MROH9: variants seen among roughly 807,000 people sequenced by gnomAD.
The protein encoded by MROH9 is maestro heat-like repeat-containing protein family member 9.
A neutral mutation model predicts 98.2 loss-of-function variants in MROH9; 92 were observed. That is an observed-to-expected ratio of 0.94 (90% CI 0.79 to 1.11). MROH9 has a LOEUF of 1.11. Among genes scored for constraint, MROH9 ranks in the 50% most tolerant of loss-of-function variants. The probability of loss-of-function intolerance (pLI) is 0.00; values close to 1 mark genes in which losing one functional copy is unlikely to be tolerated. For missense variants in MROH9, 1,057 were observed against 1,014.8 expected, an observed-to-expected ratio of 1.04 and a Z score of -0.57; for synonymous variants, 397 against 368.9, an observed-to-expected ratio of 1.08 and a Z score of -0.87.
intron 21 of MROH9, among the ~76,000 whole-genome samples, 164 bp downstream of exon 21, chr1:171,062,358 G>A (rs1181595258): frequency 6.6e-6 from 1 of 152,096 alleles, no homozygotes; most frequent in Non-Finnish European, 1.5e-5. Flanking sequence ...AAAGGACTGG[G>A]TTAAGAGGTT....
intron 17 of MROH9, among the ~76,000 whole-genome samples, chr1:171,019,097 C>G (rs1161985533): frequency 2.6e-5 from 4 of 152,162 alleles, no homozygotes; most frequent in African/African-American, 9.7e-5. Context: ...TTCAAAAGAA[C>G]TGAAATCATA....
Position 170,942,544 on chromosome 1 carries a change from A to G in MROH9, c.-37-2976A>G, listed in dbSNP as rs148527705. On this transcript the variant is annotated intron_variant, in intron 1 of 21. Coordinates refer to ENST00000367759, the MANE Select transcript of MROH9 (RefSeq NM_001163629.2). The stretch of plus-strand genomic sequence containing the variant: ...AGCAAAGTCTTTGATAGGGTAGGCC[A>G]GTAACATACATTTACTAAAATATGG... 4.1e-3 allele frequency among the ~76,000 whole-genome samples: 625 copies of G among 152,298 alleles called. 4 individuals carry two copies. The highest frequency in any genetic ancestry group is 0.015 in the African/African-American group (607 of 41,562).
intron 3 of MROH9, among the ~76,000 whole-genome samples, chr1:170,949,145 A>T (rs755977588): frequency 6.6e-6 from 1 of 152,136 alleles, no homozygotes; most frequent in Admixed American, 6.5e-5. Flanking sequence ...CCCCATGTCA[A>T]CTAGTCATTA....
intron 6 of MROH9, among the ~76,000 whole-genome samples, chr1:170,962,436 C>T (rs1650050256): frequency 6.6e-6 from 1 of 152,082 alleles, no homozygotes; most frequent in Non-Finnish European, 1.5e-5. Context: ...CAATTCAAAA[C>T]CCTATTTTTC....
At position 170,996,593 on chromosome 1, in the gene MROH9, A is replaced by T; in HGVS notation, c.1424A>T (p.Asp475Val). ...DITLMKENFWDQLSEDLCYYH... is the reference protein window; with the variant it reads ...DITLMKENFWVQLSEDLCYYH... ...ACTCTAATGAAGGAGAATTTCTGGGACCAGTTATCTGAAGATCTGTGTTAC... is the reference window on the plus strand; with the variant it reads ...ACTCTAATGAAGGAGAATTTCTGGGTCCAGTTATCTGAAGATCTGTGTTAC... Residue 475 changes from aspartate to valine, a missense_variant, in exon 14 of 22, where the codon GAC becomes GTC. By Grantham distance (152) the Asp-to-Val change is radical (BLOSUM62 -3). Transcript: ENST00000367759. 6.2e-7 allele frequency: 1 copy of T among 1,613,640 alleles called. No individual in the cohort carries two copies. The highest frequency in any genetic ancestry group is 8.5e-7 in the Non-Finnish European group (1 of 1,179,694).
At chr1:170,962,828 G>A (rs1160067385) in intron 6 of MROH9, among the ~76,000 whole-genome samples, 3 of 151,790 alleles carry the variant, frequency 2.0e-5, no homozygotes, top group Non-Finnish European at 2.9e-5. Flanking sequence ...AAAATTAACT[G>A]AAGATGGATT....
Position 170,947,548 on chromosome 1 carries a change from A to C in MROH9, c.47A>C (p.Gln16Pro). 1 of 1,611,162 alleles carries C rather than the reference A, an allele frequency of 6.2e-7. No individual in the cohort carries two copies. Residue 16 changes from glutamine (Q) to proline (P), a missense_variant, in exon 3 of 22, where the codon CAA becomes CCA. By Grantham distance (76) the Gln-to-Pro change is moderately conservative. Coordinates refer to ENST00000367759, the MANE Select transcript of MROH9 (RefSeq NM_001163629.2). ...CTAGAGAGTAGTCTCCAGATTCTGC[A>C]AGACAGTGTGAAATGGCACCACATG... is the stretch of plus-strand genomic sequence containing the variant. ...PKTKSSLQIL[Q>P]DSVKWHHMAH... is the part of the protein sequence containing the mutation.
intron 6 of MROH9, 56 bp downstream of exon 6, chr1:170,962,032 T>C: frequency 4.3e-6 from 4 of 931,650 alleles, no homozygotes; most frequent in Non-Finnish European, 6.4e-6. Flanking sequence ...ATGCTCACTA[T>C]GCTTCACTTT....
Position 170,974,528 on chromosome 1 carries a change from GA to G in MROH9, c.616+2654del, listed in dbSNP as rs199760478. 7.7e-4 allele frequency among the ~76,000 whole-genome samples: 114 copies of G among 148,914 alleles called. No homozygotes were observed. In the East Asian group the frequency reaches 0.019, roughly 25 times the overall value. On this transcript the variant is annotated intron_variant, in intron 8 of 21. Transcript: ENST00000367759. ...AAGGAACATCATAAAATACAGAAAA[GA>G]AAAAAAAAGTCAATCTAGAATCCTT...
chr1:170,941,635 C>T (rs1367751308), intron 1 of MROH9, among the ~76,000 whole-genome samples: 1 of 152,066 alleles, frequency 6.6e-6, no homozygotes, highest in Non-Finnish European at 1.5e-5. Flanking sequence ...CCCCTTTGCC[C>T]CTGCCACCCT....
intron 9 of MROH9, 92 bp downstream of exon 9, chr1:170,983,626 T>C (rs1571475229): frequency 2.6e-6 from 2 of 776,376 alleles, no homozygotes; most frequent in East Asian, 2.7e-5. Flanking sequence ...ATGTCGTTAG[T>C]ATTTTTTCGT....
chr1:171,057,480 C>T (rs1018633744), intron 20 of MROH9, among the ~76,000 whole-genome samples: 2 of 151,988 alleles, frequency 1.3e-5, no homozygotes, highest in African/African-American at 2.4e-5. Flanking sequence ...AAAGATGGAA[C>T]CAGTGATAGA....
At position 170,958,492 on chromosome 1, in the gene MROH9, A is replaced by G. The variant is rs772752567; in HGVS notation, c.104A>G (p.Tyr35Cys). 3 of 1,593,238 alleles carry G rather than the reference A, an allele frequency of 1.9e-6. No individual in the cohort carries two copies. Among genetic ancestry groups the G allele is most frequent in the Non-Finnish European group, 2.6e-6 (3 of 1,166,034 alleles). The change falls in exon 4 of 22, where the codon TAC becomes TGC. Residue 35 changes from tyrosine to cysteine, a missense_variant. Transcript: ENST00000367759. ...AHKVNSLLDA[Y>C]SGLLSNESMI... is the part of the protein sequence containing the mutation. ...AAAGTTAACAGCCTATTGGATGCAT[A>G]CTCAGGCCTGTTAAGTAATGAATCC...
chr1:170,963,257 T>C (rs1010193229), intron 6 of MROH9, among the ~76,000 whole-genome samples: 8 of 151,686 alleles, frequency 5.3e-5, no homozygotes, highest in Non-Finnish European at 7.4e-5. Context: ...ATTAAAGAAA[T>C]GCAAATCAAA....
At chr1:170,946,840 C>A (rs963695947) in intron 2 of MROH9, among the ~76,000 whole-genome samples, 1 of 151,900 alleles carries the variant, frequency 6.6e-6, no homozygotes, top group African/African-American at 2.4e-5. Context: ...ACTGATAACT[C>A]CATTTCTAAT....
At chr1:170,972,227 T>C (rs898761117) in intron 8 of MROH9, among the ~76,000 whole-genome samples, 1 of 152,184 alleles carries the variant, frequency 6.6e-6, no homozygotes, top group Non-Finnish European at 1.5e-5. Context: ...ATTGAGTATC[T>C]GATAGACTAC....
Position 170,992,269 on chromosome 1 carries a change from G to A in MROH9, c.1134G>A (p.Glu378=), listed in dbSNP as rs1651386226. ...TGAAAGGAAAGCCTGGGGAAATGGA[G>A]GACACCGTAACGGAAGGGAAACGTT... is the stretch of plus-strand genomic sequence containing the variant. ...LILKGKPGEM[E]DTVTEGKRFS... Residue 378 remains glutamate, a synonymous_variant, in exon 12 of 22, where the codon GAG becomes GAA. Transcript: ENST00000367759. 1 of 1,613,542 alleles carries A rather than the reference G, an allele frequency of 6.2e-7. No individual in the cohort carries two copies. Among genetic ancestry groups the A allele is most frequent in the Non-Finnish European group, 8.5e-7 (1 of 1,179,682 alleles).
intron 4 of MROH9, among the ~76,000 whole-genome samples, chr1:170,958,984 T>C (rs999665832): frequency 6.6e-6 from 1 of 152,140 alleles, no homozygotes; most frequent in Non-Finnish European, 1.5e-5. Flanking sequence ...AGAAATTAAT[T>C]CCTTTATTTT....
intron 12 of MROH9, among the ~76,000 whole-genome samples, chr1:170,992,877 C>T (rs922513044): frequency 1.3e-5 from 2 of 152,054 alleles, no homozygotes; most frequent in Admixed American, 1.3e-4. Flanking sequence ...ATCATGTAGG[C>T]GTTTGTAGTC....
Sources: gnomAD v4.1 joint callset for allele counts (sites outside exome capture counted in the v4.1 genomes callset) on GRCh38, gnomAD v4.1.1 for gene constraint, MANE v1.5 for transcripts, NCBI Gene and HGNC (gene_info 2026-07-23, HGNC 2026-07-21) for gene names.